The following PKNOX2 variants were observed in gnomAD, a reference collection of about 807,000 sequenced individuals.
The protein encoded by PKNOX2 is homeobox protein PKNOX2.
A neutral mutation model predicts 53.1 loss-of-function variants in PKNOX2; 14 were observed. The observed-to-expected ratio is 0.26, with a 90% CI of 0.17 to 0.41. The LOEUF is 0.41. Ranked by LOEUF, PKNOX2 falls within the 10% of genes least tolerant of loss-of-function variation. The pLI, the probability that PKNOX2 is intolerant of heterozygous loss-of-function variation, is 1.00. For missense variants in PKNOX2, 496 were observed against 602.8 expected, an observed-to-expected ratio of 0.82 and a Z score of 1.85; for synonymous variants, 257 against 242.8, an observed-to-expected ratio of 1.06 and a Z score of -0.54.
chr11:125,177,052 G>T (rs1333625936), intron 1 of PKNOX2, among the ~76,000 whole-genome samples: 1 of 152,222 alleles, frequency 6.6e-6, no homozygotes, highest in Non-Finnish European at 1.5e-5. Context: ...GCCCTCGTGG[G>T]CAGCAGCTGT....
chr11:125,193,080 C>T (rs147734896), intron 1 of PKNOX2, among the ~76,000 whole-genome samples: 6 of 152,190 alleles, frequency 3.9e-5, no homozygotes, highest in African/African-American at 1.4e-4. Context: ...GAGGGACGAC[C>T]TGTCTCGCTA....
rs575424254 is a variant in PKNOX2 at position 125,288,429 on chromosome 11, A to G, written c.-129-43390A>G. 5.8e-4 allele frequency among the ~76,000 whole-genome samples: 88 copies of G among 152,266 alleles called. 4 individuals carry two copies. Among genetic ancestry groups the G allele is most frequent in the African/African-American group, 4.8e-4 (20 of 41,554 alleles). On this transcript the variant is annotated intron_variant, in intron 2 of 12. Transcript: ENST00000298282. ...ACCACTGAACTCTTCTCCATCACAAACACTTCCTGATTGAGGCCGTGGTGA... is the reference window on the plus strand; with the variant it reads ...ACCACTGAACTCTTCTCCATCACAAGCACTTCCTGATTGAGGCCGTGGTGA...
At chr11:125,360,100 G>T (rs1256435480) in intron 4 of PKNOX2, among the ~76,000 whole-genome samples, 5 of 151,420 alleles carry the variant, frequency 3.3e-5, no homozygotes, top group Non-Finnish European at 7.4e-5. Flanking sequence ...GAGCCGAGAT[G>T]GTGCCATTGC....
intron 2 of PKNOX2, among the ~76,000 whole-genome samples, chr11:125,267,842 G>C (rs1945480966): frequency 6.6e-6 from 1 of 152,216 alleles, no homozygotes; most frequent in Admixed American, 6.5e-5. Context: ...TAGGAATGGA[G>C]TCAGGGAATT....
intron 1 of PKNOX2, among the ~76,000 whole-genome samples, chr11:125,233,085 T>C (rs1942370583): frequency 6.6e-6 from 1 of 152,224 alleles, no homozygotes; most frequent in African/African-American, 2.4e-5. Context: ...GTAGTTGTCA[T>C]GATGTTATTG....
intron 1 of PKNOX2, among the ~76,000 whole-genome samples, chr11:125,173,928 T>C (rs1473629047): frequency 6.6e-6 from 1 of 152,214 alleles, no homozygotes; most frequent in Non-Finnish European, 1.5e-5. Context: ...ACAGGCTCTC[T>C]GGGTTCCAGC....
intron 1 of PKNOX2, among the ~76,000 whole-genome samples, chr11:125,218,040 CCTT>C (rs1271000226): frequency 1.3e-5 from 2 of 152,112 alleles, no homozygotes; most frequent in Non-Finnish European, 2.9e-5. Context: ...TGGGTCTTCT[CCTT>C]CTCCTCTTAG....
At chr11:125,197,491 C>T (rs1189419569) in intron 1 of PKNOX2, among the ~76,000 whole-genome samples, 2 of 152,158 alleles carry the variant, frequency 1.3e-5, no homozygotes, top group Non-Finnish European at 2.9e-5. Context: ...ACCTATTATT[C>T]AGCCCAAGAG....
At position 125,166,268 on chromosome 11, in the gene PKNOX2, A is replaced by AG. The variant is rs749665726; in HGVS notation, c.-201+1496dup. On this transcript the variant is annotated intron_variant, in intron 1 of 12. Transcript: ENST00000298282. The surrounding 1 kb of genome is among the most constrained non-coding windows in gnomAD (Gnocchi z 4.0). ...ATTGGAATTTGGGGAGGGTAGCACGAGGGGTCCTGCAGCTCCGCGTGTGAA... is the reference window on the plus strand; with the variant it reads ...ATTGGAATTTGGGGAGGGTAGCACGAGGGGGTCCTGCAGCTCCGCGTGTGAA... Among the ~76,000 whole-genome samples the AG allele has an allele frequency of 6.6e-6, 1 of 152,020 alleles. No individual in the cohort carries two copies. Among genetic ancestry groups the AG allele is most frequent in the Non-Finnish European group, 1.5e-5 (1 of 67,990 alleles).
At chr11:125,175,902 A>G (rs78151635) in intron 1 of PKNOX2, among the ~76,000 whole-genome samples, 2,045 of 152,340 alleles carry the variant, frequency 0.013, 37 homozygotes, top group African/African-American at 0.046. Flanking sequence ...CGTGACTTGC[A>G]TGTAATACGT....
At chr11:125,324,496 G>A (rs1949720274) in intron 2 of PKNOX2, among the ~76,000 whole-genome samples, 1 of 152,120 alleles carries the variant, frequency 6.6e-6, no homozygotes, top group African/African-American at 2.4e-5. Context: ...GAGCTCTATA[G>A]GCTTGAGATT....
At chr11:125,342,199 A>G (rs1418966305) in intron 3 of PKNOX2, among the ~76,000 whole-genome samples, 1 of 151,876 alleles carries the variant, frequency 6.6e-6, no homozygotes, top group Non-Finnish European at 1.5e-5. Context: ...AAGTTTTAAA[A>G]TTTGGAACAA....
At chr11:125,322,390 T>A (rs139619236) in intron 2 of PKNOX2, among the ~76,000 whole-genome samples, 106 of 152,284 alleles carry the variant, frequency 7.0e-4, no homozygotes, top group Non-Finnish European at 1.2e-3. Context: ...CCTTTCGTTC[T>A]ACAGCCCCCT....
chr11:125,322,217 C>A (rs753226834), intron 2 of PKNOX2, among the ~76,000 whole-genome samples: 2 of 150,636 alleles, frequency 1.3e-5, no homozygotes, highest in Non-Finnish European at 3.0e-5. Context: ...CAAAAAAAAA[C>A]GTATATATAT....
intron 4 of PKNOX2, among the ~76,000 whole-genome samples, chr11:125,364,790 G>C (rs1019360386): frequency 3.9e-5 from 6 of 152,138 alleles, no homozygotes; most frequent in Admixed American, 3.3e-4. Context: ...TCACACCAGC[G>C]CTGTGTGGTG....
In PKNOX2 at chr11:125,432,877, G is replaced by A. The variant is rs905373051; in HGVS notation, c.*1485G>A. ...GAGTGGCTACCTGGCTCAACTGGAG[G>A]GGACCCCTTGGGCCCTCTGGGGCTT... On this transcript the variant is annotated 3_prime_UTR_variant, in exon 13 of 13. Transcript: ENST00000298282. 6.6e-6 allele frequency: 1 copy of A among 152,618 alleles called. No homozygotes were observed. The highest frequency in any genetic ancestry group is 2.4e-5 in the African/African-American group (1 of 41,448). The allele number at this position is 152,618 out of a possible 1,614,324, so 9.5% of individuals were successfully genotyped here.
At chr11:125,325,322 C>T (rs1949766411) in intron 2 of PKNOX2, among the ~76,000 whole-genome samples, 2 of 152,178 alleles carry the variant, frequency 1.3e-5, no homozygotes, top group South Asian at 4.1e-4. Context: ...TACAGAGTCC[C>T]TGCTCTCTGG....
At chr11:125,345,289 A>G (rs1950909755) in intron 3 of PKNOX2, among the ~76,000 whole-genome samples, 1 of 152,234 alleles carries the variant, frequency 6.6e-6, no homozygotes, top group African/African-American at 2.4e-5. Flanking sequence ...ACATTTCAAC[A>G]CAACAACTGA....
chr11:125,362,895 C>T (rs1951999991), intron 4 of PKNOX2, among the ~76,000 whole-genome samples: 1 of 152,162 alleles, frequency 6.6e-6, no homozygotes, highest in Non-Finnish European at 1.5e-5. Flanking sequence ...CTCAGCCCCA[C>T]CCAGATTTTA....
Sources: gnomAD v4.1 joint callset for allele counts (sites outside exome capture counted in the v4.1 genomes callset) on GRCh38, gnomAD v4.1.1 for gene constraint, Gnocchi (gnomAD v3.1) non-coding constraint, MANE v1.5 for transcripts, NCBI Gene and HGNC (gene_info 2026-07-23, HGNC 2026-07-21) for gene names.